Variants in SYNDIG1 observed in about 807,000 individuals in gnomAD.
The protein encoded by SYNDIG1 is synapse differentiation inducing 1.
SYNDIG1 carries 9 observed loss-of-function variants against 19.4 expected under a neutral mutation model. The observed-to-expected ratio is 0.46, with a 90% CI of 0.28 to 0.81. The LOEUF is 0.81. Ranked by LOEUF, SYNDIG1 falls within the 30% of genes least tolerant of loss-of-function variation. The probability of loss-of-function intolerance (pLI) is 0.12; values close to 1 mark genes in which losing one functional copy is unlikely to be tolerated. For synonymous variants in SYNDIG1, 141 were observed against 145.9 expected (o/e 0.97, Z 0.24); for missense variants, 311 against 343.3 (o/e 0.91, Z 0.74).
chr20:24,649,371 T>C (rs988931826), intron 3 of SYNDIG1, among the ~76,000 whole-genome samples: 1 of 152,236 alleles, frequency 6.6e-6, no homozygotes, highest in Non-Finnish European at 1.5e-5. Context: ...CTCTAGTTTA[T>C]GAAATTGTCA....
intron 1 of SYNDIG1, among the ~76,000 whole-genome samples, chr20:24,505,087 G>T (rs1037330982): frequency 6.6e-6 from 1 of 152,188 alleles, no homozygotes; most frequent in Non-Finnish European, 1.5e-5. Flanking sequence ...GTTCACAGAC[G>T]TGGTGGGTGA....
intron 2 of SYNDIG1, among the ~76,000 whole-genome samples, chr20:24,549,914 C>T (rs1037905282): frequency 6.6e-6 from 1 of 152,228 alleles, no homozygotes; most frequent in African/African-American, 2.4e-5. Context: ...AACCAAACTC[C>T]TCTCGGCATT....
intron 1 of SYNDIG1, among the ~76,000 whole-genome samples, chr20:24,539,807 C>G (rs1156316313): frequency 2.6e-5 from 4 of 152,036 alleles, no homozygotes; most frequent in Non-Finnish European, 5.9e-5. Context: ...GAGATGGAGT[C>G]TTGCTCTGTC....
intron 2 of SYNDIG1, among the ~76,000 whole-genome samples, chr20:24,553,590 T>A (rs567890284): frequency 6.6e-6 from 1 of 152,252 alleles, no homozygotes; most frequent in Admixed American, 6.5e-5. Flanking sequence ...TGCTTGTTTT[T>A]CTCAGGTTTG....
intron 1 of SYNDIG1, among the ~76,000 whole-genome samples, chr20:24,477,884 G>A (rs888137243): frequency 1.6e-4 from 24 of 152,172 alleles, no homozygotes; most frequent in Non-Finnish European, 2.6e-4. Flanking sequence ...ACTTCTACAC[G>A]GTTATAGATA....
intron 1 of SYNDIG1, among the ~76,000 whole-genome samples, chr20:24,481,487 G>A (rs1177095841): frequency 6.6e-6 from 1 of 152,188 alleles, no homozygotes; most frequent in Non-Finnish European, 1.5e-5. Context: ...AAAAGTGAGT[G>A]TGAACATGGT....
Position 24,557,385 on chromosome 20 carries a change from T to G in SYNDIG1, c.480+13808T>G, listed in dbSNP as rs578178169. 6.6e-5 allele frequency among the ~76,000 whole-genome samples: 10 copies of G among 152,342 alleles called. No homozygotes were observed. In the South Asian group the frequency reaches 2.1e-3, roughly 32 times the overall value. ...CTTTGGAGGAGGAGAGGCGCTCTGC[T>G]TTTTAGAGTTTCCAGTCTTTCTGCT... On this transcript the variant is annotated intron_variant, in intron 2 of 3. Transcript: ENST00000376862.
intron 1 of SYNDIG1, among the ~76,000 whole-genome samples, chr20:24,529,589 T>C (rs1460885730): frequency 6.6e-6 from 1 of 152,246 alleles, no homozygotes; most frequent in African/African-American, 2.4e-5. Context: ...ACATAATTTT[T>C]GTGTGTCATA....
chr20:24,521,804 G>A (rs936484163), intron 1 of SYNDIG1, among the ~76,000 whole-genome samples: 1 of 151,224 alleles, frequency 6.6e-6, no homozygotes, highest in Non-Finnish European at 1.5e-5. Context: ...GGAGGCTGAC[G>A]CAGGAGAATC....
At chr20:24,539,685 C>A (rs1214048169) in intron 1 of SYNDIG1, among the ~76,000 whole-genome samples, 2 of 152,152 alleles carry the variant, frequency 1.3e-5, no homozygotes, top group African/African-American at 4.8e-5. Flanking sequence ...GACATCCTAG[C>A]AATGTTAAGG....
chr20:24,485,453 T>C (rs2055929423), intron 1 of SYNDIG1, among the ~76,000 whole-genome samples: 1 of 152,208 alleles, frequency 6.6e-6, no homozygotes, highest in African/African-American at 2.4e-5. Flanking sequence ...TCTCCAATGT[T>C]TTCACTGAAG....
At chr20:24,491,663 T>C (rs911797206) in intron 1 of SYNDIG1, 5 of 152,250 alleles carry the variant, frequency 3.3e-5, no homozygotes, top group Non-Finnish European at 7.3e-5. Context: ...ACACTGACCT[T>C]ACAGTCAAAT....
intron 1 of SYNDIG1, among the ~76,000 whole-genome samples, chr20:24,492,358 C>G (rs1181833906): frequency 6.6e-6 from 1 of 152,190 alleles, no homozygotes; most frequent in Non-Finnish European, 1.5e-5. Context: ...TCGGCCCCGC[C>G]GCCTCTGCTG....
chr20:24,656,091 C>G (rs1600835224), intron 3 of SYNDIG1, among the ~76,000 whole-genome samples: 1 of 152,168 alleles, frequency 6.6e-6, no homozygotes. Flanking sequence ...TGAGGGGGCA[C>G]AGGAAGGCCT....
chr20:24,643,518 G>A (rs775828858), intron 3 of SYNDIG1, among the ~76,000 whole-genome samples: 1 of 152,158 alleles, frequency 6.6e-6, no homozygotes, highest in Non-Finnish European at 1.5e-5. Context: ...AGAGTGCTGT[G>A]CTTATGTGTA....
intron 1 of SYNDIG1, among the ~76,000 whole-genome samples, chr20:24,471,694 A>T (rs911236039): frequency 1.1e-4 from 16 of 152,146 alleles, no homozygotes; most frequent in African/African-American, 3.4e-4. Flanking sequence ...AGTGACAGAC[A>T]GAGAATAGCA....
intron 2 of SYNDIG1, among the ~76,000 whole-genome samples, chr20:24,582,763 A>G (rs549419767): frequency 3.9e-5 from 6 of 152,202 alleles, no homozygotes; most frequent in Non-Finnish European, 7.3e-5. Flanking sequence ...TGTGCAGAAT[A>G]AAGAGAAGAG....
chr20:24,536,008 GCAAAACATCACT>G (rs1294295135), intron 1 of SYNDIG1, among the ~76,000 whole-genome samples: 1 of 152,148 alleles, frequency 6.6e-6, no homozygotes, highest in Non-Finnish European at 1.5e-5. Context: ...GCTGCTATTG[GCAAAACATCACT>G]CAGTTATTCA....
chr20:24,494,916 G>A (rs1007091635), intron 1 of SYNDIG1, among the ~76,000 whole-genome samples: 1 of 152,170 alleles, frequency 6.6e-6, no homozygotes, highest in African/African-American at 2.4e-5. Context: ...TTGCATTAAT[G>A]TAGGACCCTC....
Sources: allele counts gnomAD v4.1 joint callset (sites outside exome capture counted in the v4.1 genomes callset), GRCh38; gene constraint gnomAD v4.1.1; transcripts MANE v1.5; gene names NCBI Gene and HGNC (gene_info 2026-07-23, HGNC 2026-07-21).